Variants in KPNA3 observed in about 807,000 individuals in gnomAD.
KPNA3 encodes importin subunit alpha-4.
A neutral mutation model predicts 73.8 loss-of-function variants in KPNA3; 13 were observed. The ratio of observed to expected loss-of-function variants is 0.18; its 90% confidence interval spans 0.11 to 0.28. The LOEUF (loss-of-function observed/expected upper bound fraction) is 0.28. Among genes scored for constraint, KPNA3 ranks in the 10% least tolerant of loss-of-function variants. KPNA3 has a pLI of 1.00. For synonymous variants in KPNA3, 186 were observed against 206.9 expected (o/e 0.90, Z 0.87); for missense variants, 360 against 618.1 (o/e 0.58, Z 4.43).
chr13:49,747,077 C>T, intron 1 of KPNA3, 84 bp from the exon 2 acceptor site: 1 of 996,124 alleles, frequency 1.0e-6, no homozygotes, highest in Non-Finnish European at 1.5e-6. Context: ...TGCAGTGGCT[C>T]ATGCCTATAA....
chr13:49,732,537 C>T (rs994216477), intron 5 of KPNA3, 68 bp downstream of exon 5: 2 of 1,441,176 alleles, frequency 1.4e-6, no homozygotes, highest in Non-Finnish European at 1.9e-6. Flanking sequence ...AACATATTAA[C>T]TTCTAGACTA....
intron 1 of KPNA3, among the ~76,000 whole-genome samples, chr13:49,747,822 G>A (rs1954631832): frequency 6.6e-6 from 1 of 152,126 alleles, no homozygotes; most frequent in East Asian, 1.9e-4. Flanking sequence ...GTGGAAGGTG[G>A]GACTTGGCTG....
At chr13:49,765,988 AAGACATTCAAAACTG>A (rs1202076653) in intron 1 of KPNA3, among the ~76,000 whole-genome samples, 2 of 152,184 alleles carry the variant, frequency 1.3e-5, no homozygotes, top group African/African-American at 4.8e-5. Flanking sequence ...CATGTTCCTT[AAGACATTCAAAACTG>A]AGTTCATCAT....
intron 6 of KPNA3, among the ~76,000 whole-genome samples, chr13:49,725,867 CCT>C (rs1413028327): frequency 1.3e-5 from 2 of 152,078 alleles, no homozygotes; most frequent in African/African-American, 2.4e-5. Context: ...GTCCTGAACC[CCT>C]GACTTCAGGT....
intron 1 of KPNA3, 110 bp downstream of exon 1, chr13:49,792,328 T>A: frequency 1.7e-6 from 1 of 592,902 alleles, no homozygotes; most frequent in Non-Finnish European, 2.4e-6. Flanking sequence ...GGCGGCCAAC[T>A]CCGGCCGACC....
At chr13:49,751,966 A>T (rs1334933008) in intron 1 of KPNA3, among the ~76,000 whole-genome samples, 1 of 152,202 alleles carries the variant, frequency 6.6e-6, no homozygotes, top group Admixed American at 6.5e-5. Context: ...CGAATTCTCA[A>T]ATACAAGCAG....
intron 1 of KPNA3, among the ~76,000 whole-genome samples, chr13:49,764,465 T>G (rs1372479622): frequency 6.6e-6 from 1 of 152,050 alleles, no homozygotes; most frequent in South Asian, 2.1e-4. Flanking sequence ...AAATCGTCCT[T>G]CCTCTCAGCA....
chr13:49,752,516 C>T (rs2137573911), intron 1 of KPNA3, among the ~76,000 whole-genome samples: 1 of 151,990 alleles, frequency 6.6e-6, no homozygotes, highest in Middle Eastern at 3.4e-3. Flanking sequence ...AAAAACTATC[C>T]TAGAAAATGA....
At chr13:49,774,686 AC>A (rs1954882288) in intron 1 of KPNA3, among the ~76,000 whole-genome samples, 1 of 152,236 alleles carries the variant, frequency 6.6e-6, no homozygotes, top group African/African-American at 2.4e-5. Flanking sequence ...TTTAGCCATG[AC>A]CACAAGCATA....
chr13:49,776,064 G>A (rs9535337), intron 1 of KPNA3, among the ~76,000 whole-genome samples: 45,380 of 151,890 alleles, frequency 0.3, 7,031 homozygotes, highest in Non-Finnish European at 0.34. Context: ...AGCCCCTATC[G>A]AACTTTTTTA....
intron 15 of KPNA3, among the ~76,000 whole-genome samples, chr13:49,704,400 G>T: frequency 6.9e-6 from 1 of 145,322 alleles, no homozygotes. Context: ...CAACAAGAGC[G>T]AAACTCTGTC....
chr13:49,705,387 A>C (rs1954198599), intron 15 of KPNA3, among the ~76,000 whole-genome samples: 1 of 151,972 alleles, frequency 6.6e-6, no homozygotes, highest in Non-Finnish European at 1.5e-5. Context: ...CTATGTTGTC[A>C]ATCTCTAGAA....
At chr13:49,783,299 T>TTTTA (rs1954956002) in intron 1 of KPNA3, among the ~76,000 whole-genome samples, 1 of 152,164 alleles carries the variant, frequency 6.6e-6, no homozygotes, top group African/African-American at 2.4e-5. Context: ...TTTTACCATA[T>TTTTA]TTTAACTGCT....
chr13:49,704,428 A>G (rs1209081159), intron 15 of KPNA3, among the ~76,000 whole-genome samples: 2 of 85,602 alleles, frequency 2.3e-5, no homozygotes, highest in Non-Finnish European at 5.0e-5. Flanking sequence ...AAAAATAAAT[A>G]AATAAAAAAT....
At chr13:49,783,713 T>C (rs1409114394) in intron 1 of KPNA3, among the ~76,000 whole-genome samples, 1 of 152,222 alleles carries the variant, frequency 6.6e-6, no homozygotes, top group Non-Finnish European at 1.5e-5. Flanking sequence ...AGTTACTTTT[T>C]TTTCCACTTC....
intron 2 of KPNA3, among the ~76,000 whole-genome samples, chr13:49,745,235 T>G (rs1401523467): frequency 6.6e-6 from 1 of 152,218 alleles, no homozygotes; most frequent in African/African-American, 2.4e-5. Flanking sequence ...TGAAACAAAG[T>G]GTGTATTTAA....
intron 10 of KPNA3, among the ~76,000 whole-genome samples, chr13:49,718,392 A>C (rs1471012933): frequency 6.6e-6 from 1 of 152,168 alleles, no homozygotes; most frequent in Non-Finnish European, 1.5e-5. Context: ...AACTTGACTA[A>C]TATACCTGTA....
chr13:49,702,433 A>G lies in KPNA3; in HGVS notation c.1420T>C (p.Tyr474His). The G allele has an allele frequency of 1.3e-6, 2 of 1,556,258 alleles. No individual in the cohort carries two copies. The highest frequency in any genetic ancestry group is 1.1e-5 in the South Asian group (1 of 87,082). Reference protein sequence around the residue: ...VLQQHENEDIYKLAFEIIDQY... With the variant: ...VLQQHENEDIHKLAFEIIDQY... Reference sequence around the variant, plus strand: ...TCTATGATTTCAAATGCTAATTTATATATGTCTTCATTTTCATGTTGCTGT... The same window carrying G: ...TCTATGATTTCAAATGCTAATTTATGTATGTCTTCATTTTCATGTTGCTGT... The change falls in exon 16 of 17, where the codon TAT becomes CAT. Residue 474 changes from tyrosine to histidine, a missense_variant. By Grantham distance (83) the Tyr-to-His change is moderately conservative. This residue lies in a region of KPNA3 where 287 missense variants were observed against 549.1 expected (regional missense o/e 0.52). Coordinates refer to ENST00000261667, the MANE Select transcript of KPNA3 (RefSeq NM_002267.4).
intron 6 of KPNA3, among the ~76,000 whole-genome samples, chr13:49,726,525 A>G (rs10220086): frequency 0.044 from 6,729 of 152,244 alleles, 471 homozygotes; most frequent in African/African-American, 0.15. Flanking sequence ...GTGTTTCAGG[A>G]TGGGAGTGAG....
Sources: gnomAD v4.1 joint callset for allele counts (sites outside exome capture counted in the v4.1 genomes callset) on GRCh38, gnomAD v4.1.1 for gene constraint, gnomAD v4.1.1 regional missense constraint, MANE v1.5 for transcripts, NCBI Gene and HGNC (gene_info 2026-07-23, HGNC 2026-07-21) for gene names.